The following MAGED2 variants were observed in gnomAD, a reference collection of about 807,000 sequenced individuals.
MAGED2 encodes melanoma-associated antigen D2.
A neutral mutation model predicts 41.7 loss-of-function variants in MAGED2; 6 were observed. The ratio of observed to expected loss-of-function variants is 0.14; its 90% CI spans 0.08 to 0.28. The LOEUF is 0.28. Among genes scored for constraint, MAGED2 ranks in the 10% least tolerant of loss-of-function variants. The pLI, the probability that MAGED2 is intolerant of heterozygous loss-of-function variation, is 1.00. For synonymous variants in MAGED2, 146 were observed against 178.2 expected (o/e 0.82, Z 1.44); for missense variants, 343 against 486.4 (o/e 0.71, Z 2.77).
Position 54,812,087 on chromosome X carries a change from A to G in MAGED2, c.991-70A>G. On this transcript the variant is annotated intron_variant, in intron 6 of 12. Coordinates refer to ENST00000375068, the MANE Select transcript of MAGED2 (RefSeq NM_177433.3). ...TCTCACACATGCGAAACTCCTAGGT[A>G]CATAGGGAGCTGCAGCATGCCCCGG... 8 of 606,874 alleles carry G rather than the reference A, an allele frequency of 1.3e-5. No homozygotes were observed. The East Asian group carries it at 2.3e-4, about 18-fold the overall frequency. The allele number at this position is 606,874 out of a possible 1,213,427, so 50.0% of individuals were successfully genotyped here.
chrX:54,815,792 T>C lies in MAGED2; in HGVS notation c.*9-89T>C, dbSNP rs1327396824. On this transcript the variant is annotated intron_variant, in intron 12 of 12. Coordinates refer to ENST00000375068, the MANE Select transcript of MAGED2 (RefSeq NM_177433.3). ...CCAAGTTGGAGAATGATGTGGAGAG[T>C]GTGCCAAGACACTGCTTTTGGCATT... 7 of 542,366 alleles carry C rather than the reference T, an allele frequency of 1.3e-5. No individual in the cohort carries two copies. In the East Asian group the frequency reaches 2.6e-4, roughly 20 times the overall value. The allele number at this position is 542,366 out of a possible 1,213,427, so 44.7% of individuals were successfully genotyped here. A position where few individuals can be genotyped will look rare whatever the true frequency, so the allele number is the denominator to read the frequency against.
Position 54,809,900 on chromosome X carries a change from C to T in MAGED2, c.224C>T (p.Ala75Val). The change falls in exon 3 of 13, where the codon GCT becomes GTT. Residue 75 changes from alanine to valine, a missense_variant. Around this residue, in one of 3 missense-constraint regions of MAGED2, gnomAD observed 195 missense variants for 221.2 expected, o/e 0.88. Transcript: ENST00000375068. ...KATEVSKTPE[A>V]REAPATQASS... is the part of the protein sequence containing the mutation. ...ACAGAGGTCTCAAAGACCCCAGAGGCTCGGGAGGCACCTGCCACCCAGGCC... is the reference window on the plus strand; with the variant it reads ...ACAGAGGTCTCAAAGACCCCAGAGGTTCGGGAGGCACCTGCCACCCAGGCC... The T allele has an allele frequency of 8.4e-7, 1 of 1,193,491 alleles. No individual in the cohort carries two copies. Among genetic ancestry groups the T allele is most frequent in the East Asian group, 3.0e-5 (1 of 33,130 alleles).
Position 54,809,178 on chromosome X carries a change from G to T in MAGED2, c.-29-125G>T, listed in dbSNP as rs566459130. 774 of 492,133 alleles carry T rather than the reference G, an allele frequency of 1.6e-3. 7 individuals carry two copies. The South Asian group carries it at 0.019, about 12-fold the overall frequency. 40.6% of individuals were successfully genotyped at this position (492,133 alleles called of 1,213,427 possible). On this transcript the variant is annotated intron_variant, in intron 1 of 12. Coordinates refer to ENST00000375068, the MANE Select transcript of MAGED2 (RefSeq NM_177433.3). ...TTGAATTCCTGTATCTGAGAACGGA[G>T]TCGTTGGGGGTGGTGGAGGGGGTTG...
intron 5 of MAGED2, 33 bp from the exon 6 acceptor site, chrX:54,811,541 C>T: frequency 2.7e-6 from 3 of 1,117,060 alleles, no homozygotes; most frequent in South Asian, 1.9e-5. Flanking sequence ...GGCATCTCTT[C>T]AGTCAGGTGC....
rs1929793500 is a variant in MAGED2, at chrX:54,811,240, A to T, written c.847-10A>T. ...TGTTTTGGTCTTTCCATCTTTTTCTACTCTGCCAGGCAAATGATTTGGTGA... is the reference window on the plus strand; with the variant it reads ...TGTTTTGGTCTTTCCATCTTTTTCTTCTCTGCCAGGCAAATGATTTGGTGA... On this transcript the variant is annotated splice_polypyrimidine_tract_variant and intron_variant, in intron 4 of 12. Coordinates refer to ENST00000375068, the MANE Select transcript of MAGED2 (RefSeq NM_177433.3). 1 of 1,207,544 alleles carries T rather than the reference A, an allele frequency of 8.3e-7. No individual in the cohort carries two copies. The highest frequency in any genetic ancestry group is 1.1e-6 in the Non-Finnish European group (1 of 893,330).
At chrX:54,813,367 A>G (rs1929864258) in intron 9 of MAGED2, 121 bp from the exon 10 acceptor site, 1 of 832,416 alleles carries the variant, frequency 1.2e-6, no homozygotes, top group African/African-American at 2.1e-5. Flanking sequence ...GCTTCTATGG[A>G]GCTTCCCTCT....
In MAGED2 at chrX:54,813,044, G is replaced by T. The variant is rs764432687; in HGVS notation, c.1165+20G>T. 2.5e-6 allele frequency: 3 copies of T among 1,211,835 alleles called. No homozygotes were observed. In the Admixed American group the frequency reaches 6.5e-5, roughly 26 times the overall value. On this transcript the variant is annotated intron_variant, in intron 8 of 12. Coordinates refer to ENST00000375068, the MANE Select transcript of MAGED2 (RefSeq NM_177433.3). ...GTGAGGGTGAGTGGCTGGGCTTGCA[G>T]CTGAATGGGTGGCTGTGGTCTAGAT... is the stretch of plus-strand genomic sequence containing the variant.
chrX:54,811,174 C>T lies in MAGED2; in HGVS notation c.846+45C>T, dbSNP rs374364104. 9.2e-4 allele frequency: 1,105 copies of T among 1,194,788 alleles called. 1 individual carries two copies. The highest frequency in any genetic ancestry group is 1.2e-3 in the Non-Finnish European group (1,033 of 881,825). On this transcript the variant is annotated intron_variant, in intron 4 of 12. Transcript: ENST00000375068. ...TATTCTGCCTTTTCTACTGCCTTGGCTGTCCTTTTCTTTGCCATCGTCTCA... is the reference window on the plus strand; with the variant it reads ...TATTCTGCCTTTTCTACTGCCTTGGTTGTCCTTTTCTTTGCCATCGTCTCA...
chrX:54,809,523 G>A, intron 2 of MAGED2, 147 bp downstream of exon 2: 1 of 876,368 alleles, frequency 1.1e-6, no homozygotes, highest in Non-Finnish European at 1.6e-6. Flanking sequence ...TGGAGGGAGG[G>A]AGAGAAGGTG....
Position 54,809,669 on chromosome X carries a change from G to A in MAGED2, c.46-53G>A, listed in dbSNP as rs746124328. The A allele has an allele frequency of 2.6e-5, 30 of 1,162,729 alleles. No homozygotes were observed. The African/African-American group carries it at 4.3e-4, about 17-fold the overall frequency. On this transcript the variant is annotated intron_variant, in intron 2 of 12. Transcript: ENST00000375068. Reference sequence around the variant, plus strand: ...TGGCCTTGGAATTTTGGAGCCATTTGCTTAGTTGGGGGTGAGGAGAAGGTC... The same window carrying A: ...TGGCCTTGGAATTTTGGAGCCATTTACTTAGTTGGGGGTGAGGAGAAGGTC...
chrX:54,809,696 A>G (rs777562990), intron 2 of MAGED2, 26 bp from the exon 3 acceptor site: 10 of 1,184,887 alleles, frequency 8.4e-6, no homozygotes, highest in South Asian at 3.8e-5. Flanking sequence ...GAGAAGGTCT[A>G]TGAACTTCCC....
intron 2 of MAGED2, 121 bp from the exon 3 acceptor site, chrX:54,809,601 C>T: frequency 7.3e-6 from 8 of 1,097,985 alleles, no homozygotes; most frequent in Non-Finnish European, 9.6e-6. Flanking sequence ...CTGAGGTGGT[C>T]AGAGCACACC....
At chrX:54,813,807 G>A (rs1458316128) in intron 10 of MAGED2, among the ~76,000 whole-genome samples, 1 of 112,097 alleles carries the variant, frequency 8.9e-6, no homozygotes, top group African/African-American at 3.2e-5. Flanking sequence ...ATCATTGTAC[G>A]TATGCAGAAA....
chrX:54,812,139 T>C lies in MAGED2; in HGVS notation c.991-18T>C. 9.8e-7 allele frequency: 1 copy of C among 1,022,450 alleles called. No individual in the cohort carries two copies. 84.3% of individuals were successfully genotyped at this position (1,022,450 alleles called of 1,213,427 possible). On this transcript the variant is annotated intron_variant, in intron 6 of 12. Transcript: ENST00000375068. ...AGCTGAATTTTGTCATCTCACAAGC[T>C]GTTCTCCCCATCCACAGGTATTTGG...
Position 54,811,230 on chromosome X carries a change from A to G in MAGED2, c.847-20A>G. 1 of 1,209,057 alleles carries G rather than the reference A, an allele frequency of 8.3e-7. No individual in the cohort carries two copies. Among genetic ancestry groups the G allele is most frequent in the South Asian group, 1.8e-5 (1 of 56,938 alleles). On this transcript the variant is annotated intron_variant, in intron 4 of 12. Transcript: ENST00000375068. ...TCTGCAAACTTGTTTTGGTCTTTCCATCTTTTTCTACTCTGCCAGGCAAAT... is the reference window on the plus strand; with the variant it reads ...TCTGCAAACTTGTTTTGGTCTTTCCGTCTTTTTCTACTCTGCCAGGCAAAT...
At chrX:54,814,889 T>C in intron 11 of MAGED2, 114 bp downstream of exon 11, 2 of 536,583 alleles carry the variant, frequency 3.7e-6, no homozygotes, top group Non-Finnish European at 6.3e-6. Context: ...GGTGCTTCTG[T>C]TAATTGTCAA....
chrX:54,812,298 T>C (rs1929832274), intron 7 of MAGED2, 47 bp downstream of exon 7: 2 of 803,742 alleles, frequency 2.5e-6, no homozygotes, highest in African/African-American at 2.0e-5. Context: ...GCTTTGGCCA[T>C]GTGCTGCTAC....
rs191139046 is a variant in MAGED2 at position 54,810,272 on chromosome X, G to A, written c.537+59G>A. The A allele has an allele frequency of 1.1e-5, 8 of 746,970 alleles. No homozygotes were observed. In the African/African-American group the frequency reaches 1.5e-4, roughly 14 times the overall value. 61.6% of individuals were successfully genotyped at this position (746,970 alleles called of 1,213,427 possible). On this transcript the variant is annotated intron_variant, in intron 3 of 12. Transcript: ENST00000375068. ...TACTCCTCTCTCAGTTGATTCATTT[G>A]TTCTACAAACATTTAGAAAGATCCC...
Position 54,810,827 on chromosome X carries a change from C to G in MAGED2, c.544C>G (p.His182Asp). 3 of 1,161,845 alleles carry G rather than the reference C, an allele frequency of 2.6e-6. No homozygotes were observed. The highest frequency in any genetic ancestry group is 2.3e-6 in the Non-Finnish European group (2 of 870,270). Residue 182 changes from histidine to aspartate, a missense_variant, in exon 4 of 13, where the codon CAT (histidine) becomes GAT (aspartate). By Grantham distance (81) the His-to-Asp change is moderately conservative. This residue lies in a region of MAGED2 where 195 missense variants were observed against 221.2 expected (regional missense o/e 0.88). Coordinates refer to ENST00000375068, the MANE Select transcript of MAGED2 (RefSeq NM_177433.3). The stretch of plus-strand genomic sequence containing the variant: ...TTCCTCTCTGTTGATGCAGGTGAAG[C>G]ATCTGGATGGGGAAGAGGATGGCAG... ...VKAKKARKVK[H>D]LDGEEDGSSD... is the part of the protein sequence containing the mutation.
Sources: gnomAD v4.1 joint callset for allele counts (sites outside exome capture counted in the v4.1 genomes callset) on GRCh38, gnomAD v4.1.1 for gene constraint, gnomAD v4.1.1 regional missense constraint, MANE v1.5 for transcripts, NCBI Gene and HGNC (gene_info 2026-07-23, HGNC 2026-07-21) for gene names.